The following PALLD variants were observed in gnomAD, a reference collection of about 807,000 sequenced individuals.
PALLD encodes the protein palladin, cytoskeletal associated protein.
In PALLD, 61 loss-of-function variants were observed where a neutral mutation model predicts 123.5. That is an observed-to-expected ratio of 0.49 (90% confidence interval 0.40 to 0.61). PALLD has a LOEUF of 0.61. Ranked by LOEUF, PALLD falls within the 20% of genes least tolerant of loss-of-function variation. The pLI is 0.00. For missense variants in PALLD, 1,273 were observed against 1,377.0 expected (o/e 0.92, Z 1.20); for synonymous variants, 465 against 496.4 (o/e 0.94, Z 0.84).
At chr4:168,791,325 ACT>A (rs1242463744) in intron 10 of PALLD, among the ~76,000 whole-genome samples, 1 of 152,102 alleles carries the variant, frequency 6.6e-6, no homozygotes, top group Non-Finnish European at 1.5e-5. Context: ...ACCCTGTATT[ACT>A]CTGTTTTCAC....
chr4:168,763,438 T>C (rs1379888697), intron 10 of PALLD, among the ~76,000 whole-genome samples: 2 of 152,150 alleles, frequency 1.3e-5, no homozygotes, highest in African/African-American at 4.8e-5. Context: ...TCACAGCCGT[T>C]CCACAGCCCC....
intron 10 of PALLD, among the ~76,000 whole-genome samples, chr4:168,849,389 G>A (rs1747404263): frequency 1.3e-5 from 2 of 152,202 alleles, no homozygotes; most frequent in South Asian, 2.1e-4. Context: ...AGAGGGATGC[G>A]TTTTTAAGGT....
chr4:168,696,687 G>GAA (rs75901128), intron 8 of PALLD, among the ~76,000 whole-genome samples: 8 of 146,154 alleles, frequency 5.5e-5, no homozygotes, highest in East Asian at 2.0e-4. Context: ...TGAAAAGCTA[G>GAA]AAAAAAAAAA....
intron 2 of PALLD, among the ~76,000 whole-genome samples, chr4:168,594,625 C>T (rs913963874): frequency 1.3e-5 from 2 of 152,142 alleles, no homozygotes; most frequent in Non-Finnish European, 2.9e-5. Context: ...GATCTAACCT[C>T]TCTGGTGCCC....
In PALLD at chr4:168,691,328, G is replaced by A. The variant is rs757901113; in HGVS notation, c.1501+36G>A. 22 of 1,555,850 alleles carry A rather than the reference G, an allele frequency of 1.4e-5. 2 individuals are homozygous for A. The highest frequency in any genetic ancestry group is 3.4e-4 in the Middle Eastern group (2 of 5,934). On this transcript the variant is annotated intron_variant, in intron 8 of 21. Transcript: ENST00000505667. ...TTTTAGGGTTTTTTTTTTTGGTGGTGGGGGAGCAGATAATGTATCTTTTGG... is the reference window on the plus strand; with the variant it reads ...TTTTAGGGTTTTTTTTTTTGGTGGTAGGGGAGCAGATAATGTATCTTTTGG...
At chr4:168,747,373 C>T (rs1402352848) in intron 10 of PALLD, among the ~76,000 whole-genome samples, 1 of 152,180 alleles carries the variant, frequency 6.6e-6, no homozygotes, top group Non-Finnish European at 1.5e-5. Flanking sequence ...GCCCAGCTCT[C>T]AGCAAAAGCA....
intron 2 of PALLD, among the ~76,000 whole-genome samples, chr4:168,661,188 T>C (rs933001029): frequency 6.6e-6 from 1 of 152,196 alleles, no homozygotes; most frequent in African/African-American, 2.4e-5. Context: ...ATTACAGGCT[T>C]GAGCCACCAT....
At chr4:168,537,662 T>C (rs1367321478) in intron 2 of PALLD, 1 of 152,186 alleles carries the variant, frequency 6.6e-6, no homozygotes, top group African/African-American at 2.4e-5. Flanking sequence ...GTCCAAAAAC[T>C]GTGATGATTG....
chr4:168,580,869 A>T (rs563270218), intron 2 of PALLD, among the ~76,000 whole-genome samples: 129 of 152,156 alleles, frequency 8.5e-4, no homozygotes, highest in African/African-American at 2.9e-3. Flanking sequence ...CTAACACAGG[A>T]ACAGAAAGCC....
rs902410725 is a variant in PALLD at position 168,606,669 on chromosome 4, A to C, written c.909-61521A>C. ...ACAGAGCGAGACTCCGTCTCAAAAA[A>C]AAAAAAAAAAAAAAAGATCAAGCTT... On this transcript the variant is annotated intron_variant, in intron 2 of 21. Transcript: ENST00000505667. 4.9e-3 allele frequency among the ~76,000 whole-genome samples: 743 copies of C among 151,826 alleles called. 8 individuals carry two copies. The highest frequency in any genetic ancestry group is 0.017 in the African/African-American group (705 of 41,428).
Position 168,685,543 on chromosome 4 carries a change from C to T in PALLD, c.1319C>T (p.Pro440Leu). 6.2e-7 allele frequency: 1 copy of T among 1,611,264 alleles called. No homozygotes were observed. The highest frequency in any genetic ancestry group is 8.5e-7 in the Non-Finnish European group (1 of 1,177,394). ...GATGGAACCACTACTGCCTACTTTC[C>T]TCCTGTTTTTACAAAGGTCTGACAT... Reference protein sequence around the residue: ...RPDGTTTAYFPPVFTKELQNT... With the variant: ...RPDGTTTAYFLPVFTKELQNT... Residue 440 changes from proline (P) to leucine (L), a missense_variant, in exon 6 of 22, where the codon CCT becomes CTT. Transcript: ENST00000505667.
intron 2 of PALLD, among the ~76,000 whole-genome samples, chr4:168,527,712 T>A (rs1391244965): frequency 1.3e-5 from 2 of 152,138 alleles, no homozygotes; most frequent in African/African-American, 4.8e-5. Context: ...CCCTGACAGA[T>A]CCTCCTCTTC....
At position 168,590,754 on chromosome 4, in the gene PALLD, T is replaced by C. The variant is rs565800294; in HGVS notation, c.909-77436T>C. Among the ~76,000 whole-genome samples, 34 of 151,370 alleles carry C rather than the reference T, an allele frequency of 2.2e-4. 1 individual carries two copies. In the South Asian group the frequency reaches 6.7e-3, roughly 30 times the overall value. On this transcript the variant is annotated intron_variant, in intron 2 of 21. Transcript: ENST00000505667. ...TCTTGGTAATAACTGACCTACTCTATAACTAAGCAAACCTGCTCTTCAGCA... is the reference window on the plus strand; with the variant it reads ...TCTTGGTAATAACTGACCTACTCTACAACTAAGCAAACCTGCTCTTCAGCA...
chr4:168,836,712 G>A (rs1381809369), intron 10 of PALLD, among the ~76,000 whole-genome samples: 1 of 152,206 alleles, frequency 6.6e-6, no homozygotes, highest in Non-Finnish European at 1.5e-5. Context: ...ATGCCTTTGT[G>A]AGGCTGTCAA....
chr4:168,685,531 C>T lies in PALLD; in HGVS notation c.1307C>T (p.Thr436Ile). ...CTCTGCCGACCTGATGGAACCACTA[C>T]TGCCTACTTTCCTCCTGTTTTTACA... ...SYLCRPDGTTTAYFPPVFTKE... is the reference protein window; with the variant it reads ...SYLCRPDGTTIAYFPPVFTKE... The change falls in exon 6 of 22, where the codon ACT becomes ATT. Residue 436 changes from threonine to isoleucine, a missense_variant. By Grantham distance (89) the Thr-to-Ile change is moderately conservative. Transcript: ENST00000505667. 6.2e-7 allele frequency: 1 copy of T among 1,612,344 alleles called. No homozygotes were observed.
At chr4:168,923,826 G>A (rs1023928271) in intron 18 of PALLD, among the ~76,000 whole-genome samples, 8 of 152,230 alleles carry the variant, frequency 5.3e-5, no homozygotes, top group South Asian at 2.1e-4. Context: ...CATGGCAAAC[G>A]GCAGTGAGGG....
Position 168,593,029 on chromosome 4 carries a change from A to G in PALLD, c.909-75161A>G, listed in dbSNP as rs540401854. Among the ~76,000 whole-genome samples the G allele has an allele frequency of 3.9e-5, 6 of 152,240 alleles. No homozygotes were observed. In the East Asian group the frequency reaches 7.7e-4, roughly 20 times the overall value. On this transcript the variant is annotated intron_variant, in intron 2 of 21. Transcript: ENST00000505667. ...ATTTGCCTCTTCCTTTAAAAAAAAA[A>G]AAGTCAACTATGCAAAAATTACTAT...
chr4:168,615,991 TCTTTTTCCTTTTTTAAGCCATC>T (rs1774187275), intron 2 of PALLD, among the ~76,000 whole-genome samples: 1 of 152,194 alleles, frequency 6.6e-6, no homozygotes, highest in Non-Finnish European at 1.5e-5. Context: ...CCCATTTTTT[TCTTTTTCCTTTTTTAAGCCATC>T]CTTGGGTTTT....
chr4:168,837,830 A>G (rs1043136516), intron 10 of PALLD, among the ~76,000 whole-genome samples: 2 of 152,214 alleles, frequency 1.3e-5, no homozygotes, highest in African/African-American at 4.8e-5. Context: ...AGTGAATGAA[A>G]TGGACAAATA....
Sources: gnomAD v4.1 joint callset for allele counts (sites outside exome capture counted in the v4.1 genomes callset) on GRCh38, gnomAD v4.1.1 for gene constraint, MANE v1.5 for transcripts, NCBI Gene and HGNC (gene_info 2026-07-23, HGNC 2026-07-21) for gene names.